Variants in SCARA5 observed in about 807,000 individuals in gnomAD.
SCARA5 encodes scavenger receptor class A member 5, also known as scavenger receptor class A, member 5 (putative).
SCARA5 carries 45 observed loss-of-function variants against 46.3 expected under a neutral mutation model. That is an observed-to-expected ratio of 0.97 (90% confidence interval 0.76 to 1.24). The LOEUF (loss-of-function observed/expected upper bound fraction) is 1.24, where lower values mean the gene tolerates loss of function less well. Ranked by LOEUF, SCARA5 falls within the 50% of genes most tolerant of loss-of-function variation. The pLI is 0.00. For synonymous variants in SCARA5, 333 were observed against 306.5 expected, an observed-to-expected ratio of 1.09 and a Z score of -0.90; for missense variants, 680 against 689.0, an observed-to-expected ratio of 0.99 and a Z score of 0.15.
intron 6 of SCARA5, among the ~76,000 whole-genome samples, chr8:27,905,257 T>C (rs1299594048): frequency 6.6e-6 from 1 of 151,922 alleles, no homozygotes; most frequent in African/African-American, 2.4e-5. Context: ...GGAGAGACCA[T>C]AAAACATAAG....
At chr8:27,978,272 C>T (rs1191077679) in intron 2 of SCARA5, among the ~76,000 whole-genome samples, 1 of 151,042 alleles carries the variant, frequency 6.6e-6, no homozygotes, top group East Asian at 1.9e-4. Context: ...CTCAGGTGAT[C>T]TGCCCACCTT....
chr8:27,920,198 A>G (rs1807560706), intron 4 of SCARA5, among the ~76,000 whole-genome samples: 1 of 152,190 alleles, frequency 6.6e-6, no homozygotes, highest in Admixed American at 6.5e-5. Context: ...AAGATTACAA[A>G]TGGACTGGCA....
chr8:27,934,539 G>C (rs1193539280), intron 3 of SCARA5, among the ~76,000 whole-genome samples: 1 of 152,150 alleles, frequency 6.6e-6, no homozygotes, highest in East Asian at 1.9e-4. Context: ...CTCAATACTT[G>C]TCACCCAATC....
chr8:27,952,806 C>T (rs571566851), intron 3 of SCARA5, among the ~76,000 whole-genome samples: 63 of 152,108 alleles, frequency 4.1e-4, no homozygotes, highest in African/African-American at 1.5e-3. Flanking sequence ...GGATTTTTTT[C>T]CCACTCTCTC....
intron 7 of SCARA5, among the ~76,000 whole-genome samples, chr8:27,895,791 C>A (rs147517889): frequency 3.3e-5 from 5 of 152,210 alleles, no homozygotes; most frequent in African/African-American, 1.2e-4. Flanking sequence ...CCCTGAGGAT[C>A]GTACTGGACT....
chr8:27,971,371 T>A (rs1808445169), intron 2 of SCARA5, among the ~76,000 whole-genome samples: 1 of 152,208 alleles, frequency 6.6e-6, no homozygotes, highest in African/African-American at 2.4e-5. Flanking sequence ...TGAACTCTGT[T>A]CTCTTTGTCT....
intron 3 of SCARA5, among the ~76,000 whole-genome samples, chr8:27,929,017 C>T (rs953009335): frequency 1.2e-4 from 19 of 152,160 alleles, no homozygotes; most frequent in Non-Finnish European, 1.5e-4. Context: ...GTGAGTTCCT[C>T]ATGATAAACC....
chr8:27,941,732 CA>C (rs1309530918), intron 3 of SCARA5, among the ~76,000 whole-genome samples: 1 of 151,716 alleles, frequency 6.6e-6, no homozygotes, highest in African/African-American at 2.4e-5. Context: ...TTACATTTCA[CA>C]AAGCACTGCT....
chr8:27,941,099 TA>T (rs144631283), intron 3 of SCARA5, among the ~76,000 whole-genome samples: 4,522 of 149,978 alleles, frequency 0.03, 205 homozygotes, highest in African/African-American at 0.097. Context: ...ATCATATAGT[TA>T]AAAAAAAAAC....
chr8:27,873,954 G>C (rs1043564179), intron 8 of SCARA5, among the ~76,000 whole-genome samples: 41 of 152,252 alleles, frequency 2.7e-4, no homozygotes, highest in Non-Finnish European at 8.8e-5. Flanking sequence ...GGAGGCTGAG[G>C]CAGGAGAATC....
chr8:27,942,696 C>T (rs1171905186), intron 3 of SCARA5, among the ~76,000 whole-genome samples: 1 of 152,098 alleles, frequency 6.6e-6, no homozygotes, highest in Non-Finnish European at 1.5e-5. Flanking sequence ...GCTGACTTGG[C>T]CCTTTCTTGT....
intron 4 of SCARA5, among the ~76,000 whole-genome samples, chr8:27,917,385 C>A (rs1045240741): frequency 3.3e-5 from 5 of 152,058 alleles, no homozygotes; most frequent in African/African-American, 7.2e-5. Context: ...ATGAAAGAAC[C>A]CGGATGTGAA....
At chr8:27,950,461 C>T (rs997839847) in intron 3 of SCARA5, among the ~76,000 whole-genome samples, 12 of 152,132 alleles carry the variant, frequency 7.9e-5, no homozygotes, top group East Asian at 1.9e-4. Context: ...CACCTAATGC[C>T]GGCAAGCAAC....
intron 3 of SCARA5, among the ~76,000 whole-genome samples, chr8:27,929,152 G>A (rs1460661503): frequency 6.6e-6 from 1 of 152,202 alleles, no homozygotes; most frequent in Non-Finnish European, 1.5e-5. Context: ...TATGATTAAT[G>A]TATTCATGTC....
intron 7 of SCARA5, among the ~76,000 whole-genome samples, chr8:27,902,310 G>A (rs762191398): frequency 2.4e-4 from 36 of 152,112 alleles, no homozygotes; most frequent in Middle Eastern, 3.4e-3. Context: ...GGAGGGGGTG[G>A]CCTCCCCCCA....
In SCARA5 at chr8:27,922,156, G is replaced by A. The variant is rs762581851; in HGVS notation, c.331C>T (p.Arg111Trp). Residue 111 changes from arginine (R) to tryptophan (W), a missense_variant, in exon 4 of 9, where the codon CGG becomes TGG. Coordinates refer to ENST00000354914, the MANE Select transcript of SCARA5 (RefSeq NM_173833.6). ...LNESFRDLQL[R>W]LLQAPLQADL... ...GCTTGCAGCGGAGCCTGCAGCAGCC[G>A]CAGCTGCAAGTCCCGGAAGCTCTCA... 8.1e-6 allele frequency: 13 copies of A among 1,607,344 alleles called. No individual in the cohort carries two copies. In the East Asian group the frequency reaches 1.3e-4, roughly 17 times the overall value.
At chr8:27,953,063 C>G (rs1036546827) in intron 3 of SCARA5, among the ~76,000 whole-genome samples, 1 of 152,242 alleles carries the variant, frequency 6.6e-6, no homozygotes. Context: ...CATCCTTTCT[C>G]TCTTCCTACA....
intron 8 of SCARA5, among the ~76,000 whole-genome samples, chr8:27,875,437 T>C (rs1806709333): frequency 6.6e-6 from 1 of 152,012 alleles, no homozygotes; most frequent in Non-Finnish European, 1.5e-5. Flanking sequence ...GTTATTTCCA[T>C]CTTAGGGGTG....
At chr8:27,975,038 C>T (rs1364015096) in intron 2 of SCARA5, among the ~76,000 whole-genome samples, 1 of 152,076 alleles carries the variant, frequency 6.6e-6, no homozygotes, top group Non-Finnish European at 1.5e-5. Flanking sequence ...GGAGGCTGGC[C>T]ACTGGAATGA....
Sources: gnomAD v4.1 joint callset for allele counts (sites outside exome capture counted in the v4.1 genomes callset) on GRCh38, gnomAD v4.1.1 for gene constraint, MANE v1.5 for transcripts, NCBI Gene and HGNC (gene_info 2026-07-23, HGNC 2026-07-21) for gene names.